The following SKI variants were observed in gnomAD, a reference collection of about 807,000 sequenced individuals.
The protein encoded by SKI is SKI proto-oncogene.
Under a neutral mutation model 59.3 loss-of-function variants are expected in SKI, and 23 were observed. The observed-to-expected ratio is 0.39, with a 90% CI of 0.28 to 0.55. The LOEUF (loss-of-function observed/expected upper bound fraction) is 0.55, where lower values mean the gene tolerates loss of function less well. Among genes scored for constraint, SKI ranks in the 20% least tolerant of loss-of-function variants. SKI has a pLI of 0.67. For missense variants in SKI, 1,017 were observed against 1,038.9 expected (o/e 0.98, Z 0.29); for synonymous variants, 673 against 488.6 (o/e 1.38, Z -4.98).
At chr1:2,305,415 C>T (rs899894252) in intron 5 of SKI, among the ~76,000 whole-genome samples, 1 of 152,150 alleles carries the variant, frequency 6.6e-6, no homozygotes, top group African/African-American at 2.4e-5. Context: ...CTCAGAGCTG[C>T]AGGGTTGCCG....
rs1413537398 is a variant in SKI, at chr1:2,308,171, A to G, written c.*1406A>G. ...GTATTTATTTACATAAGAAGATCTT[A>G]CAGGAGTTCTTTGCTTGAATCCGTT... On this transcript the variant is annotated 3_prime_UTR_variant, in exon 7 of 7. Coordinates refer to ENST00000378536, the MANE Select transcript of SKI (RefSeq NM_003036.4). 1 of 152,234 alleles carries G rather than the reference A, an allele frequency of 6.6e-6. No individual in the cohort carries two copies. Among genetic ancestry groups the G allele is most frequent in the East Asian group, 1.9e-4 (1 of 5,200 alleles). The allele number at this position is 152,234 out of a possible 1,614,324, so 9.4% of individuals were successfully genotyped here. A position where few individuals can be genotyped will look rare whatever the true frequency, so the allele number is the denominator to read the frequency against.
intron 1 of SKI, among the ~76,000 whole-genome samples, chr1:2,262,263 G>A (rs368403482): frequency 1.2e-3 from 156 of 126,642 alleles, no homozygotes; most frequent in African/African-American, 3.6e-3. Context: ...TGATCTCCTG[G>A]TCTGGAAGGC....
At chr1:2,258,895 G>A (rs761749827) in intron 1 of SKI, among the ~76,000 whole-genome samples, 2 of 152,112 alleles carry the variant, frequency 1.3e-5, no homozygotes, top group Non-Finnish European at 2.9e-5. Context: ...CTGGGAGCAG[G>A]GTCAGCAGTG....
At chr1:2,251,149 G>A (rs974888239) in intron 1 of SKI, among the ~76,000 whole-genome samples, 20 of 152,144 alleles carry the variant, frequency 1.3e-4, no homozygotes, top group Admixed American at 1.3e-4. Flanking sequence ...TTCTCCTCCC[G>A]CCTGCCTTCT....
intron 1 of SKI, among the ~76,000 whole-genome samples, chr1:2,241,944 CCTGT>C (rs1180509874): frequency 7.3e-6 from 1 of 136,892 alleles, no homozygotes; most frequent in African/African-American, 2.6e-5. Context: ...TCCGTGCATG[CCTGT>C]CTGTGTGTGT....
chr1:2,240,688 C>T (rs559902606), intron 1 of SKI: 110 of 985,426 alleles, frequency 1.1e-4, no homozygotes, highest in African/African-American at 7.7e-4. Flanking sequence ...TCTACTTGTT[C>T]GGAGGATGGA....
At chr1:2,271,133 C>T (rs60635488) in intron 1 of SKI, among the ~76,000 whole-genome samples, 49,332 of 152,038 alleles carry the variant, frequency 0.32, 8,736 homozygotes, top group Admixed American at 0.44. Flanking sequence ...GCACACAAGC[C>T]TGGGCTCCTT....
At chr1:2,280,136 G>A (rs1488336038) in intron 1 of SKI, among the ~76,000 whole-genome samples, 5 of 152,088 alleles carry the variant, frequency 3.3e-5, no homozygotes, top group East Asian at 3.9e-4. Flanking sequence ...TTGGGAGGCC[G>A]AGGCGGGTGG....
Position 2,306,684 on chromosome 1 carries a change from G to A in SKI, c.2106G>A (p.Val702=). 1 of 1,544,530 alleles carries A rather than the reference G, an allele frequency of 6.5e-7. No individual in the cohort carries two copies. The highest frequency in any genetic ancestry group is 8.7e-7 in the Non-Finnish European group (1 of 1,145,134). The part of the protein sequence containing the change: ...REAREHLEKV[V]KELQEQLWPR... ...CCCGGGAGCACCTGGAGAAGGTGGT[G>A]AAGGAGCTGCAGGAACAGCTGTGGC... Residue 702 remains valine, a synonymous_variant, in exon 7 of 7, where the codon GTG becomes GTA. Coordinates refer to ENST00000378536, the MANE Select transcript of SKI (RefSeq NM_003036.4).
At chr1:2,305,953 G>C (rs761300927) in intron 5 of SKI, 67 bp from the exon 6 acceptor site, 126 of 1,233,692 alleles carry the variant, frequency 1.0e-4, no homozygotes, top group Admixed American at 2.4e-4. Flanking sequence ...GCTGAGGACT[G>C]CTGGTCATGG....
intron 1 of SKI, among the ~76,000 whole-genome samples, chr1:2,274,433 G>A (rs912247570): frequency 3.3e-5 from 5 of 151,980 alleles, no homozygotes; most frequent in African/African-American, 7.3e-5. Context: ...CCCCGTGGGC[G>A]CCGAGGGTGG....
intron 1 of SKI, among the ~76,000 whole-genome samples, chr1:2,279,397 G>C (rs571508879): frequency 1.5e-3 from 228 of 152,314 alleles, no homozygotes; most frequent in African/African-American, 5.3e-3. Flanking sequence ...TCCTGGCCCT[G>C]CTCTCCAAGT....
chr1:2,228,781 A>C lies in SKI; in HGVS notation c.15A>C (p.Ala5=). Residue 5 remains alanine, a synonymous_variant, in exon 1 of 7, where the codon GCA becomes GCC. Transcript: ENST00000378536. The stretch of plus-strand genomic sequence containing the variant: ...CGGAGCGCACCATGGAGGCGGCGGC[A>C]GGCGGCCGCGGCTGTTTCCAGCCGC... MEAA[A]GGRGCFQPHP... is the part of the protein sequence containing the mutation. 1 of 1,289,936 alleles carries C rather than the reference A, an allele frequency of 7.8e-7. No homozygotes were observed. The highest frequency in any genetic ancestry group is 1.0e-6 in the Non-Finnish European group (1 of 1,004,496). The allele number at this position is 1,289,936 out of a possible 1,614,324, so 79.9% of individuals were successfully genotyped here.
In SKI at chr1:2,306,668, A is replaced by G; in HGVS notation, c.2090A>G (p.His697Arg). ...CTGCGGGAGCGCGAGGCCCGGGAGC[A>G]CCTGGAGAAGGTGGTGAAGGAGCTG... ...DLLREREARE[H>R]LEKVVKELQE... Residue 697 changes from histidine to arginine, a missense_variant, in exon 7 of 7, where the codon CAC (histidine) becomes CGC (arginine). Physicochemically the swap from His to Arg is conservative, Grantham distance 29 (BLOSUM62 0). Coordinates refer to ENST00000378536, the MANE Select transcript of SKI (RefSeq NM_003036.4). 6.5e-7 allele frequency: 1 copy of G among 1,545,030 alleles called. No individual in the cohort carries two copies. Among genetic ancestry groups the G allele is most frequent in the Non-Finnish European group, 8.7e-7 (1 of 1,145,268 alleles).
chr1:2,264,798 C>T (rs939726955), intron 1 of SKI, among the ~76,000 whole-genome samples: 2 of 151,786 alleles, frequency 1.3e-5, no homozygotes, highest in Non-Finnish European at 2.9e-5. Flanking sequence ...GGACATGCCT[C>T]TTCTTTTTTT....
intron 1 of SKI, chr1:2,240,826 A>G (rs1638854726): frequency 1.0e-6 from 1 of 984,436 alleles, no homozygotes; most frequent in African/African-American, 1.7e-5. Flanking sequence ...CTCTTAGGAA[A>G]ATCCGTGCTG....
At chr1:2,265,116 A>C (rs1046245315) in intron 1 of SKI, among the ~76,000 whole-genome samples, 4 of 152,066 alleles carry the variant, frequency 2.6e-5, no homozygotes, top group African/African-American at 9.7e-5. Context: ...CCGGCTGGAC[A>C]TGCCTTTCTT....
chr1:2,284,111 A>G (rs1334724021), intron 1 of SKI, among the ~76,000 whole-genome samples: 1 of 152,100 alleles, frequency 6.6e-6, no homozygotes, highest in African/African-American at 2.4e-5. Context: ...CTTGGGGTCC[A>G]TCTCCTGTCC....
chr1:2,288,209 A>G (rs1455010184), intron 1 of SKI, among the ~76,000 whole-genome samples: 2 of 151,670 alleles, frequency 1.3e-5, no homozygotes, highest in Non-Finnish European at 1.5e-5. Context: ...CTGGTCTCGA[A>G]CTTCTGACCT....
Sources: allele counts gnomAD v4.1 joint callset (sites outside exome capture counted in the v4.1 genomes callset), GRCh38; gene constraint gnomAD v4.1.1; transcripts MANE v1.5; gene names NCBI Gene and HGNC (gene_info 2026-07-23, HGNC 2026-07-21).